L3MBTL1: variants seen among roughly 807,000 people sequenced by gnomAD.
L3MBTL1 encodes L3MBTL histone methyl-lysine binding protein 1, also known as lethal(3)malignant brain tumor-like protein 1.
Under a neutral mutation model 105.3 loss-of-function variants are expected in L3MBTL1, and 75 were observed. That is an observed-to-expected ratio of 0.71 (90% CI 0.59 to 0.86). The LOEUF (loss-of-function observed/expected upper bound fraction) is 0.86. L3MBTL1 is among the 40% of genes least tolerant of loss of function. L3MBTL1 has a pLI of 0.00. For missense variants in L3MBTL1, 1,069 were observed against 1,126.4 expected (o/e 0.95, Z 0.73); for synonymous variants, 452 against 436.2 (o/e 1.04, Z -0.45).
intron 7 of L3MBTL1, among the ~76,000 whole-genome samples, chr20:43,516,808 G>A (rs1033219775): frequency 7.3e-5 from 11 of 151,714 alleles, no homozygotes; most frequent in Middle Eastern, 3.2e-3. Flanking sequence ...AAAAGTTTTG[G>A]AGGGTGACCG....
chr20:43,522,457 GTTTTTTTTTT>G (rs1176856356), intron 7 of L3MBTL1, among the ~76,000 whole-genome samples: 3 of 95,896 alleles, frequency 3.1e-5, no homozygotes, highest in Non-Finnish European at 5.6e-5. Flanking sequence ...TCCCTGCTAA[GTTTTTTTTTT>G]TTTTTTTTTT....
chr20:43,515,206 A>G (rs2018323123), intron 5 of L3MBTL1, 47 bp downstream of exon 5: 1 of 1,614,052 alleles, frequency 6.2e-7, no homozygotes, highest in East Asian at 2.2e-5. Context: ...TTCAGCCCCC[A>G]AAGCCTCATT....
At chr20:43,529,098 TTCTCTC>T in intron 8 of L3MBTL1, 160 bp from the exon 9 acceptor site, 1 of 599,340 alleles carries the variant, frequency 1.7e-6, no homozygotes. Flanking sequence ...CTGGGAGATA[TTCTCTC>T]TCTCTCTCTC....
At chr20:43,513,358 C>A in intron 1 of L3MBTL1, 118 bp from the exon 2 acceptor site, 3 of 1,006,090 alleles carry the variant, frequency 3.0e-6, no homozygotes, top group Non-Finnish European at 4.3e-6. Flanking sequence ...CCTTTCTCTG[C>A]AGGTCACGGG....
intron 1 of L3MBTL1, among the ~76,000 whole-genome samples, chr20:43,507,972 C>A (rs1322739667): frequency 6.6e-6 from 1 of 152,130 alleles, no homozygotes; most frequent in Non-Finnish European, 1.5e-5. Flanking sequence ...CCAGGCCCAG[C>A]CGACCCTGCG....
chr20:43,513,434 G>T (rs1763299650), intron 1 of L3MBTL1, 42 bp from the exon 2 acceptor site: 1 of 1,514,900 alleles, frequency 6.6e-7, no homozygotes, highest in Admixed American at 2.1e-5. Context: ...CTGTAACAAA[G>T]GTCCCCACCT....
chr20:43,540,292 A>C lies in L3MBTL1; in HGVS notation c.2315A>C (p.Lys772Thr), dbSNP rs2019850256. ...GGCATCTCAGCCTCGACAGTCGCCA[A>C]GTGGACCATCGATGAGGTGAGGAGC... ...VAGISASTVA[K>T]WTIDEVFGFV... The change falls in exon 20 of 22, where the codon AAG becomes ACG. Residue 772 changes from lysine (K) to threonine (T), a missense_variant. Physicochemically the swap from Lys to Thr is moderately conservative, Grantham distance 78. Coordinates refer to ENST00000418998, the MANE Select transcript of L3MBTL1 (RefSeq NM_001377303.1). 6.2e-7 allele frequency: 1 copy of C among 1,613,642 alleles called. No individual in the cohort carries two copies. The highest frequency in any genetic ancestry group is 1.3e-5 in the African/African-American group (1 of 74,920).
intron 7 of L3MBTL1, among the ~76,000 whole-genome samples, chr20:43,517,203 A>G (rs1265868430): frequency 2.0e-5 from 3 of 151,712 alleles, no homozygotes; most frequent in Non-Finnish European, 4.4e-5. Flanking sequence ...GGTTCCAGCA[A>G]TTCTTCTGCC....
At chr20:43,514,862 C>T (rs887361715) in intron 4 of L3MBTL1, 86 bp downstream of exon 4, 131 of 1,456,768 alleles carry the variant, frequency 9.0e-5, no homozygotes, top group South Asian at 8.2e-4. Context: ...GGGCGGGGCC[C>T]GGGGTGGTCC....
intron 10 of L3MBTL1, 106 bp from the exon 11 acceptor site, chr20:43,530,692 G>C (rs6073119): frequency 3.3e-5 from 35 of 1,073,946 alleles, no homozygotes; most frequent in Non-Finnish European, 4.1e-5. Context: ...TTGAGGGTTG[G>C]GGGGAGGTCC....
chr20:43,536,317 G>A lies in L3MBTL1; in HGVS notation c.2123+23G>A, dbSNP rs753493716. 76 of 1,611,976 alleles carry A rather than the reference G, an allele frequency of 4.7e-5. 1 individual carries two copies. The South Asian group carries it at 7.9e-4, about 17-fold the overall frequency. On this transcript the variant is annotated intron_variant, in intron 18 of 21. Transcript: ENST00000418998. Reference sequence around the variant, plus strand: ...CCGGTATGGAGGCCAGGGAATCAGGGCCCGGGCTTCCTGGGGGTGTGGGGC... The same window carrying A: ...CCGGTATGGAGGCCAGGGAATCAGGACCCGGGCTTCCTGGGGGTGTGGGGC...
intron 7 of L3MBTL1, among the ~76,000 whole-genome samples, chr20:43,522,059 A>G (rs926841117): frequency 2.6e-5 from 4 of 152,190 alleles, no homozygotes; most frequent in African/African-American, 9.7e-5. Flanking sequence ...GATTTTACCT[A>G]TAAGATACAG....
intron 10 of L3MBTL1, 57 bp from the exon 11 acceptor site, chr20:43,530,741 C>T: frequency 6.6e-7 from 1 of 1,512,676 alleles, no homozygotes; most frequent in Non-Finnish European, 9.2e-7. Flanking sequence ...TGTGGGGTGC[C>T]CTTGCTGTGG....
At chr20:43,530,763 C>A in intron 10 of L3MBTL1, 35 bp from the exon 11 acceptor site, 1 of 1,597,820 alleles carries the variant, frequency 6.3e-7, no homozygotes, top group African/African-American at 1.3e-5. Context: ...CCAGCCTCTG[C>A]ACGGCGCTCT....
rs1214612327 is a variant in L3MBTL1 at position 43,535,886 on chromosome 20, CTA to C, written c.1878_1879del (p.Tyr626Ter). 7 of 1,613,144 alleles carry C rather than the reference CTA, an allele frequency of 4.3e-6. No homozygotes were observed. The highest frequency in any genetic ancestry group is 1.3e-5 in the African/African-American group (1 of 74,894). ...ASPGGCPPLS[Y>X]RSLPHTRTSK... The stretch of plus-strand genomic sequence containing the variant: ...CCCCTGGGGGCTGTCCCCCTCTCAG[CTA>C]TAGGAGCCTGCCCCACACTAGGACC... On this transcript the variant is annotated frameshift_variant, in exon 17 of 22. Coordinates refer to ENST00000418998, the MANE Select transcript of L3MBTL1 (RefSeq NM_001377303.1). LOFTEE classifies it high-confidence loss of function.
intron 7 of L3MBTL1, among the ~76,000 whole-genome samples, chr20:43,521,431 G>A (rs573484832): frequency 1.8e-4 from 28 of 152,330 alleles, no homozygotes; most frequent in African/African-American, 5.8e-4. Context: ...GGGAAGTACT[G>A]TGTTGGTTTC....
chr20:43,527,352 A>G (rs538373250), intron 7 of L3MBTL1, among the ~76,000 whole-genome samples: 326 of 152,364 alleles, frequency 2.1e-3, no homozygotes, highest in Non-Finnish European at 4.2e-3. Context: ...GACTGGAGGC[A>G]GCTCATGCTA....
rs989847820 is a variant in L3MBTL1 at position 43,535,778 on chromosome 20, T to G, written c.1826-59T>G. The G allele has an allele frequency of 9.6e-5, 107 of 1,119,858 alleles. No homozygotes were observed. The African/African-American group carries it at 1.6e-3, about 17-fold the overall frequency. The allele number at this position is 1,119,858 out of a possible 1,614,324, so 69.4% of individuals were successfully genotyped here. On this transcript the variant is annotated intron_variant, in intron 16 of 21. Transcript: ENST00000418998. ...TCCCCAGTGGAAACTGCTCCTTCCG[T>G]GCCCCACACTCCCCACCCCCAGGAC...
exon 19 of L3MBTL1, chr20:43,550,204 A>G (rs1568646748): frequency 6.6e-6 from 1 of 152,192 alleles, no homozygotes; most frequent in South Asian, 2.1e-4. Context: ...CTGTTCCTCT[A>G]TAAAAGATGA....
Sources: gnomAD v4.1 joint callset for allele counts (sites outside exome capture counted in the v4.1 genomes callset) on GRCh38, gnomAD v4.1.1 for gene constraint, MANE v1.5 for transcripts, NCBI Gene and HGNC (gene_info 2026-07-23, HGNC 2026-07-21) for gene names.